Variants in ABAT observed in about 807,000 individuals in gnomAD.
ABAT encodes 4-aminobutyrate aminotransferase, mitochondrial.
Under a neutral mutation model 64.6 loss-of-function variants are expected in ABAT, and 45 were observed. That is an observed-to-expected ratio of 0.70 (90% CI 0.55 to 0.89). The LOEUF is 0.89. ABAT is among the 40% of genes least tolerant of loss of function. The pLI, the probability that ABAT is intolerant of heterozygous loss-of-function variation, is 0.00. For synonymous variants in ABAT, 297 were observed against 250.5 expected (o/e 1.19, Z -1.75); for missense variants, 633 against 658.4 (o/e 0.96, Z 0.42).
chr16:8,677,571 G>T (rs1402713050), intron 1 of ABAT, among the ~76,000 whole-genome samples: 2 of 152,164 alleles, frequency 1.3e-5, no homozygotes, highest in Non-Finnish European at 2.9e-5. Flanking sequence ...TGACAGTTGG[G>T]TCAGAGGATT....
At chr16:8,683,447 TC>T (rs2057379687) in intron 1 of ABAT, 1 of 151,690 alleles carries the variant, frequency 6.6e-6, no homozygotes, top group Admixed American at 6.6e-5. Flanking sequence ...CCAGCCCAGG[TC>T]AGAAACAGAG....
At chr16:8,778,721 G>C (rs1357421278) in intron 14 of ABAT, among the ~76,000 whole-genome samples, 2 of 151,294 alleles carry the variant, frequency 1.3e-5, no homozygotes, top group Non-Finnish European at 2.9e-5. Flanking sequence ...AGGATGCAGT[G>C]AGCCGAGATA....
intron 1 of ABAT, among the ~76,000 whole-genome samples, chr16:8,711,509 T>G (rs929720667): frequency 6.6e-6 from 1 of 152,170 alleles, no homozygotes; most frequent in Non-Finnish European, 1.5e-5. Context: ...TTAATGGAGA[T>G]GCTCAACATA....
Position 8,699,796 on chromosome 16 carries a change from C to CCTCTT in ABAT, c.-42+25100_-42+25104dup, listed in dbSNP as rs79589653. Reference sequence around the variant, plus strand: ...GCCCAGGCTGGTGCAGTGAATATTTCCTCTTCTCTTCTCTTCTCTCTCTTT... The same window carrying CCTCTT: ...GCCCAGGCTGGTGCAGTGAATATTTCCTCTTCTCTTCTCTTCTCTTCTCTCTCTTT... On this transcript the variant is annotated intron_variant, in intron 1 of 15. Transcript: ENST00000268251. Among the ~76,000 whole-genome samples the CCTCTT allele has an allele frequency of 4.3e-4, 64 of 150,260 alleles. 1 individual carries two copies. Among genetic ancestry groups the CCTCTT allele is most frequent in the Non-Finnish European group, 2.8e-4 (19 of 67,550 alleles).
intron 1 of ABAT, among the ~76,000 whole-genome samples, chr16:8,704,673 A>G (rs1318892539): frequency 6.6e-6 from 1 of 152,036 alleles, no homozygotes; most frequent in Non-Finnish European, 1.5e-5. Context: ...TGCATATACA[A>G]TTTTACATTC....
At chr16:8,722,916 G>A in intron 1 of ABAT, 2 of 1,249,822 alleles carry the variant, frequency 1.6e-6, no homozygotes, top group Non-Finnish European at 2.1e-6. Context: ...CTTGTCAGGT[G>A]TTTCTTAGAG....
chr16:8,695,735 A>C (rs186022118), intron 1 of ABAT, among the ~76,000 whole-genome samples: 98 of 152,260 alleles, frequency 6.4e-4, no homozygotes, highest in Admixed American at 6.4e-3. Flanking sequence ...CATTGGAGTG[A>C]TGTTAAGTCT....
intron 2 of ABAT, among the ~76,000 whole-genome samples, chr16:8,738,044 A>G (rs1246734015): frequency 9.3e-6 from 1 of 107,822 alleles, no homozygotes; most frequent in African/African-American, 4.4e-5. Flanking sequence ...ACAGACAGAC[A>G]AGACAGTGGC....
chr16:8,691,316 T>C (rs2057575604), intron 1 of ABAT, among the ~76,000 whole-genome samples: 1 of 152,080 alleles, frequency 6.6e-6, no homozygotes, highest in Non-Finnish European at 1.5e-5. Flanking sequence ...AGTGAGGGAG[T>C]TGGGATTTGA....
At chr16:8,713,910 GTGTA>G (rs1449424913) in intron 1 of ABAT, 2 of 456,056 alleles carry the variant, frequency 4.4e-6, no homozygotes, top group Non-Finnish European at 8.8e-6. Context: ...ATCCTTACAT[GTGTA>G]TGTATTTGCT....
chr16:8,675,663 C>T (rs540677218), intron 1 of ABAT, among the ~76,000 whole-genome samples: 1 of 152,288 alleles, frequency 6.6e-6, no homozygotes, highest in African/African-American at 2.4e-5. Flanking sequence ...GCTCTTAAAA[C>T]TGGGATCTGG....
rs144025052 is a variant in ABAT, at chr16:8,739,294, G to A, written c.70+3485G>A. Reference sequence around the variant, plus strand: ...AGGTCAAGATTCATGTGATTGGATTGCTACCTTCACCACACATTAACCAAG... The same window carrying A: ...AGGTCAAGATTCATGTGATTGGATTACTACCTTCACCACACATTAACCAAG... On this transcript the variant is annotated intron_variant, in intron 2 of 15. Transcript: ENST00000268251. 3.7e-3 allele frequency among the ~76,000 whole-genome samples: 560 copies of A among 152,336 alleles called. 7 individuals carry two copies. Among genetic ancestry groups the A allele is most frequent in the African/African-American group, 0.013 (531 of 41,576 alleles).
chr16:8,754,662 ATTTATTTATTTCTTTCTTTC>A (rs71152932), intron 5 of ABAT, among the ~76,000 whole-genome samples: 13,800 of 145,966 alleles, frequency 0.095, 921 homozygotes, highest in African/African-American at 0.12. Context: ...CAGCAAGTTG[ATTTATTTATTTCTTTCTTTC>A]TTTCTTTCTT....
At chr16:8,765,086 C>A (rs1049960590) in intron 8 of ABAT, among the ~76,000 whole-genome samples, 1 of 152,134 alleles carries the variant, frequency 6.6e-6, no homozygotes, top group East Asian at 1.9e-4. Context: ...AATCCCAACA[C>A]TCTGAGAGGC....
intron 1 of ABAT, among the ~76,000 whole-genome samples, chr16:8,732,619 T>C (rs896457348): frequency 1.5e-3 from 225 of 151,694 alleles, no homozygotes; most frequent in Non-Finnish European, 2.5e-3. Context: ...CCATGTCTAC[T>C]TCTTTCTACA....
intron 1 of ABAT, among the ~76,000 whole-genome samples, chr16:8,700,439 AG>A (rs1428130115): frequency 6.6e-6 from 1 of 152,142 alleles, no homozygotes; most frequent in Non-Finnish European, 1.5e-5. Flanking sequence ...GACCGTCCCC[AG>A]CCCCCAGAAA....
intron 14 of ABAT, 104 bp from the exon 15 acceptor site, chr16:8,779,375 G>C: frequency 1.0e-6 from 1 of 953,764 alleles, no homozygotes; most frequent in South Asian, 1.4e-5. Context: ...CCATGCAGAG[G>C]CCGAGGCTGG....
rs1010952996 is a variant in ABAT, at chr16:8,732,221, T to G, written c.-41-3478T>G. Among the ~76,000 whole-genome samples, 10 of 149,768 alleles carry G rather than the reference T, an allele frequency of 6.7e-5. 1 individual carries two copies. Among genetic ancestry groups the G allele is most frequent in the African/African-American group, 2.5e-4 (10 of 40,506 alleles). ...GTTTTTTTTTTTTGTTTGTTTGTTT[T>G]TTTAATTTATTTATTTTTTATTGAT... On this transcript the variant is annotated intron_variant, in intron 1 of 15. Coordinates refer to ENST00000268251, the MANE Select transcript of ABAT (RefSeq NM_020686.6).
rs956320797 is a variant in ABAT at position 8,730,356 on chromosome 16, T to C, written c.-41-5343T>C. 3.3e-5 allele frequency among the ~76,000 whole-genome samples: 5 copies of C among 152,210 alleles called. No homozygotes were observed. The South Asian group carries it at 1.0e-3, about 32-fold the overall frequency. On this transcript the variant is annotated intron_variant, in intron 1 of 15. Coordinates refer to ENST00000268251, the MANE Select transcript of ABAT (RefSeq NM_020686.6). ...TTCCTTCTAATAATACAGCCAACATTCTATTAGCTCTGTGGGCAGCCACAG... is the reference window on the plus strand; with the variant it reads ...TTCCTTCTAATAATACAGCCAACATCCTATTAGCTCTGTGGGCAGCCACAG...
Sources: gnomAD v4.1 joint callset for allele counts (sites outside exome capture counted in the v4.1 genomes callset) on GRCh38, gnomAD v4.1.1 for gene constraint, MANE v1.5 for transcripts, NCBI Gene and HGNC (gene_info 2026-07-23, HGNC 2026-07-21) for gene names.